CAPN9: variants seen among roughly 807,000 people sequenced by gnomAD.
CAPN9 encodes the protein calpain 9, also known as calpain-9.
A neutral mutation model predicts 92.8 loss-of-function variants in CAPN9; 81 were observed. The observed-to-expected ratio is 0.87, with a 90% CI of 0.73 to 1.05. CAPN9 has a LOEUF of 1.05. Among genes scored for constraint, CAPN9 ranks in the 50% least tolerant of loss-of-function variants. The pLI is 0.00. For synonymous variants in CAPN9, 304 were observed against 328.0 expected (o/e 0.93, Z 0.79); for missense variants, 848 against 866.2 (o/e 0.98, Z 0.26).
rs542269349 is a variant in CAPN9, at chr1:230,752,138, AGCACACACGTGTACCACACCTGG to A, written c.214-3190_214-3168del. Among the ~76,000 whole-genome samples, 175 of 152,330 alleles carry A rather than the reference AGCACACACGTGTACCACACCTGG, an allele frequency of 1.1e-3. 1 individual carries two copies. The highest frequency in any genetic ancestry group is 4.2e-3 in the African/African-American group (174 of 41,576). ...CCAGCATACATGTGGAGCATGCACA[AGCACACACGTGTACCACACCTGG>A]GCACACACAACAAGGCAAGTCACAG... is the stretch of plus-strand genomic sequence containing the variant. On this transcript the variant is annotated intron_variant, in intron 1 of 19. Transcript: ENST00000271971.
intron 1 of CAPN9, among the ~76,000 whole-genome samples, chr1:230,751,997 T>C (rs1404654338): frequency 6.6e-6 from 1 of 152,010 alleles, no homozygotes; most frequent in African/African-American, 2.4e-5. Context: ...TAGCTTCAGG[T>C]AACCCCTTCC....
At chr1:230,754,060 C>T (rs767752694) in intron 1 of CAPN9, among the ~76,000 whole-genome samples, 1 of 136,078 alleles carries the variant, frequency 7.3e-6, no homozygotes, top group Non-Finnish European at 1.6e-5. Context: ...GAGGTGGTGG[C>T]AGCTGCAGGC....
At chr1:230,751,313 G>T (rs146176177) in intron 1 of CAPN9, among the ~76,000 whole-genome samples, 11 of 152,270 alleles carry the variant, frequency 7.2e-5, no homozygotes, top group Middle Eastern at 3.4e-3. Context: ...ACAGGGATCG[G>T]CACATAGCTA....
chr1:230,752,846 GC>G, intron 1 of CAPN9: 1 of 213,900 alleles, frequency 4.7e-6, no homozygotes, highest in Non-Finnish European at 8.0e-6. Context: ...TCTGCAGCAA[GC>G]CCAGAATGTC....
At chr1:230,800,629 C>T (rs1323651083) in intron 19 of CAPN9, among the ~76,000 whole-genome samples, 1 of 152,148 alleles carries the variant, frequency 6.6e-6, no homozygotes, top group Non-Finnish European at 1.5e-5. Context: ...ACAGTGAAAA[C>T]CATTGCATTC....
intron 8 of CAPN9, among the ~76,000 whole-genome samples, chr1:230,777,596 T>C (rs1346872785): frequency 6.6e-6 from 1 of 151,306 alleles, no homozygotes; most frequent in Non-Finnish European, 1.5e-5. Context: ...CCAACCCAGC[T>C]CTCTCCTGTC....
intron 19 of CAPN9, among the ~76,000 whole-genome samples, chr1:230,798,666 T>C (rs3790987): frequency 0.33 from 50,593 of 152,012 alleles, 8,596 homozygotes; most frequent in Middle Eastern, 0.47. Context: ...ACCGGGGCCA[T>C]TGTAGCAATG....
chr1:230,769,243 A>C lies in CAPN9; in HGVS notation c.769A>C (p.Ser257Arg). The change falls in exon 6 of 20, where the codon AGT becomes CGT. Residue 257 changes from serine to arginine, a missense_variant. By Grantham distance (110) the Ser-to-Arg change is moderately radical (BLOSUM62 -1). Coordinates refer to ENST00000271971, the MANE Select transcript of CAPN9 (RefSeq NM_006615.3). Reference protein sequence around the residue: ...PFGLIKGHAYSVTGIDQVSFR... With the variant: ...PFGLIKGHAYRVTGIDQVSFR... Reference sequence around the variant, plus strand: ...TGGTCTTATTAAGGGTCATGCCTACAGTGTAACGGGAATTGACCAGGTAGG... The same window carrying C: ...TGGTCTTATTAAGGGTCATGCCTACCGTGTAACGGGAATTGACCAGGTAGG... 6.2e-7 allele frequency: 1 copy of C among 1,613,950 alleles called. No individual in the cohort carries two copies. Among genetic ancestry groups the C allele is most frequent in the Non-Finnish European group, 8.5e-7 (1 of 1,179,784 alleles).
intron 3 of CAPN9, among the ~76,000 whole-genome samples, chr1:230,760,835 A>G (rs1361785665): frequency 6.6e-6 from 1 of 152,052 alleles, no homozygotes; most frequent in African/African-American, 2.4e-5. Context: ...AGCTCAGAAA[A>G]TCCAGCAGAA....
rs149818978 is a variant in CAPN9, at chr1:230,759,619, T to A, written c.391T>A (p.Phe131Ile). ...QSFGPGYAGI[F>I]HFQFWQHSEW... ...CTTTGGCCCTGGTTATGCCGGGATA[T>A]TCCATTTCCAGGTAAGAGGGAGCCC... Residue 131 changes from phenylalanine (F) to isoleucine (I), a missense_variant, in exon 3 of 20, where the codon TTC (phenylalanine) becomes ATC (isoleucine). Transcript: ENST00000271971. 220 of 1,604,052 alleles carry A rather than the reference T, an allele frequency of 1.4e-4. No homozygotes were observed. Among genetic ancestry groups the A allele is most frequent in the Middle Eastern group, 1.8e-4 (1 of 5,472 alleles).
chr1:230,754,723 A>G (rs2986385), intron 1 of CAPN9, among the ~76,000 whole-genome samples: 98,353 of 151,526 alleles, frequency 0.65, 32,143 homozygotes, highest in Non-Finnish European at 0.69. Flanking sequence ...GCTGAGGTGG[A>G]AGGATTGCTT....
Position 230,755,340 on chromosome 1 carries a change from A to G in CAPN9, c.217A>G (p.Ile73Val). The G allele has an allele frequency of 6.2e-7, 1 of 1,610,014 alleles. No individual in the cohort carries two copies. Among genetic ancestry groups the G allele is most frequent in the Non-Finnish European group, 8.5e-7 (1 of 1,178,010 alleles). ...IPFVWKRPGE[I>V]VKNPEFILGG... Reference sequence around the variant, plus strand: ...AATAACACTCTCATTCCTCCAGGAAATCGTGAAAAACCCAGAATTCATTCT... The same window carrying G: ...AATAACACTCTCATTCCTCCAGGAAGTCGTGAAAAACCCAGAATTCATTCT... Residue 73 changes from isoleucine (I) to valine (V), a missense_variant, in exon 2 of 20, where the codon ATC becomes GTC. Ile to Val is a conservative substitution (Grantham distance 29). Coordinates refer to ENST00000271971, the MANE Select transcript of CAPN9 (RefSeq NM_006615.3).
At chr1:230,784,726 A>T (rs1572072695) in intron 11 of CAPN9, among the ~76,000 whole-genome samples, 1 of 152,254 alleles carries the variant, frequency 6.6e-6, no homozygotes, top group African/African-American at 2.4e-5. Context: ...GCAGGGACAG[A>T]GCCCTCACAG....
At position 230,757,333 on chromosome 1, in the gene CAPN9, C is replaced by A. The variant is rs542898591; in HGVS notation, c.283+1927C>A. ...CCTCTTCCTCTGCCTCCCTTCCCCT[C>A]GACCCCGTAGTCCTCCATTGCTATC... On this transcript the variant is annotated intron_variant, in intron 2 of 19. Transcript: ENST00000271971. Among the ~76,000 whole-genome samples, 12 of 152,282 alleles carry A rather than the reference C, an allele frequency of 7.9e-5. No homozygotes were observed. The South Asian group carries it at 2.5e-3, about 32-fold the overall frequency.
Position 230,747,418 on chromosome 1 carries a change from T to C in CAPN9, c.-79T>C. 1 of 1,295,078 alleles carries C rather than the reference T, an allele frequency of 7.7e-7. No homozygotes were observed. The highest frequency in any genetic ancestry group is 1.2e-5 in the South Asian group (1 of 83,816). The allele number at this position is 1,295,078 out of a possible 1,614,324, so 80.2% of individuals were successfully genotyped here. On this transcript the variant is annotated 5_prime_UTR_variant, in exon 1 of 20. Transcript: ENST00000271971. ...AGTGGCCCTCTGAGCTGTTCCTTCTTGACCGGCACACACAGCTCGCTTCTT... is the reference window on the plus strand; with the variant it reads ...AGTGGCCCTCTGAGCTGTTCCTTCTCGACCGGCACACACAGCTCGCTTCTT...
intron 4 of CAPN9, among the ~76,000 whole-genome samples, chr1:230,766,664 A>C (rs1180945176): frequency 6.6e-6 from 1 of 152,264 alleles, no homozygotes. Flanking sequence ...AGAAGCCCAA[A>C]TAAGCTATTG....
At chr1:230,782,591 A>C (rs941013061) in intron 11 of CAPN9, among the ~76,000 whole-genome samples, 1 of 152,224 alleles carries the variant, frequency 6.6e-6, no homozygotes, top group African/African-American at 2.4e-5. Context: ...ATAGCAAAAA[A>C]ACATGATTGC....
chr1:230,761,307 G>A (rs1210918351), intron 3 of CAPN9, among the ~76,000 whole-genome samples: 3 of 152,104 alleles, frequency 2.0e-5, no homozygotes, highest in East Asian at 3.9e-4. Context: ...GAAGTTAGCA[G>A]AGCTCTCTGG....
At chr1:230,774,739 CTTTTT>C (rs747512464) in intron 8 of CAPN9, 108 bp downstream of exon 8, 633 of 384,830 alleles carry the variant, frequency 1.6e-3, no homozygotes, top group South Asian at 2.4e-3. Context: ...TTCTTTCTTT[CTTTTT>C]TTTTTTTTTT....
Sources: allele counts gnomAD v4.1 joint callset (sites outside exome capture counted in the v4.1 genomes callset), GRCh38; gene constraint gnomAD v4.1.1; transcripts MANE v1.5; gene names NCBI Gene and HGNC (gene_info 2026-07-23, HGNC 2026-07-21).